Variants in AGFG1 observed in about 807,000 individuals in gnomAD.
AGFG1 encodes the protein ArfGAP with FG repeats 1.
Under a neutral mutation model 60.6 loss-of-function variants are expected in AGFG1, and 10 were observed. The observed-to-expected ratio is 0.16, with a 90% CI of 0.10 to 0.28. The LOEUF (loss-of-function observed/expected upper bound fraction) is 0.28. Among genes scored for constraint, AGFG1 ranks in the 10% least tolerant of loss-of-function variants. The pLI is 1.00. For missense variants in AGFG1, 537 were observed against 676.5 expected, an observed-to-expected ratio of 0.79 and a Z score of 2.29; for synonymous variants, 247 against 242.9, an observed-to-expected ratio of 1.02 and a Z score of -0.16.
chr2:227,558,281 C>G lies in AGFG1; in HGVS notation c.*3786C>G, dbSNP rs923809502. ...ACATTTATATATGAATGCATTCTTT[C>G]TTAATATTTTGAAATTCTGAACAAG... On this transcript the variant is annotated 3_prime_UTR_variant, in exon 13 of 13. Coordinates refer to ENST00000310078, the MANE Select transcript of AGFG1 (RefSeq NM_004504.5). 6.6e-6 allele frequency: 1 copy of G among 152,066 alleles called. No individual in the cohort carries two copies. The highest frequency in any genetic ancestry group is 1.5e-5 in the Non-Finnish European group (1 of 67,990). The allele number at this position is 152,066 out of a possible 1,614,324, so 9.4% of individuals were successfully genotyped here. A position where few individuals can be genotyped will look rare whatever the true frequency, so the allele number is the denominator to read the frequency against.
chr2:227,484,506 A>G (rs1356574454), intron 1 of AGFG1, among the ~76,000 whole-genome samples: 1 of 151,926 alleles, frequency 6.6e-6, no homozygotes, highest in African/African-American at 2.4e-5. Context: ...TGGTAAACAT[A>G]TTATTTGTCC....
At chr2:227,497,289 G>A (rs1011350805) in intron 2 of AGFG1, among the ~76,000 whole-genome samples, 3 of 151,686 alleles carry the variant, frequency 2.0e-5, no homozygotes, top group African/African-American at 7.3e-5. Context: ...AACTCTTAAC[G>A]TTTCAGCTTG....
rs142672960 is a variant in AGFG1 at position 227,494,001 on chromosome 2, A to G, written c.261+2361A>G. On this transcript the variant is annotated intron_variant, in intron 2 of 12. Transcript: ENST00000310078. ...CAAACAGTACAAAAAGAAAAAGGGAAACTTGCAATAGGTTGCTAGGAAATA... is the reference window on the plus strand; with the variant it reads ...CAAACAGTACAAAAAGAAAAAGGGAGACTTGCAATAGGTTGCTAGGAAATA... Among the ~76,000 whole-genome samples, 5 of 152,298 alleles carry G rather than the reference A, an allele frequency of 3.3e-5. No individual in the cohort carries two copies. The East Asian group carries it at 9.6e-4, about 29-fold the overall frequency.
At chr2:227,504,162 G>A (rs942419903) in intron 2 of AGFG1, among the ~76,000 whole-genome samples, 2 of 151,862 alleles carry the variant, frequency 1.3e-5, no homozygotes, top group South Asian at 4.2e-4. Context: ...GAGGGGAGGC[G>A]GAAGAGGCAG....
chr2:227,486,999 TAAG>T (rs1690659802), intron 1 of AGFG1, among the ~76,000 whole-genome samples: 1 of 152,186 alleles, frequency 6.6e-6, no homozygotes, highest in South Asian at 2.1e-4. Flanking sequence ...GTGTCAAAGT[TAAG>T]AAGCCTTGAT....
At chr2:227,502,714 G>A (rs750616654) in intron 2 of AGFG1, among the ~76,000 whole-genome samples, 2 of 152,038 alleles carry the variant, frequency 1.3e-5, no homozygotes, top group Non-Finnish European at 2.9e-5. Flanking sequence ...ATAGTGAATG[G>A]TTCCTCTTCT....
At chr2:227,534,522 G>A (rs893891365) in intron 7 of AGFG1, among the ~76,000 whole-genome samples, 8 of 152,236 alleles carry the variant, frequency 5.3e-5, no homozygotes, top group African/African-American at 9.6e-5. Context: ...GAATTTATAT[G>A]TTCATGTGAA....
intron 2 of AGFG1, among the ~76,000 whole-genome samples, chr2:227,509,380 G>A (rs1239128910): frequency 6.6e-6 from 1 of 152,108 alleles, no homozygotes. Flanking sequence ...CATTAAAAGA[G>A]ACAAGACAGT....
chr2:227,532,801 GATA>G (rs1446695623), intron 6 of AGFG1, among the ~76,000 whole-genome samples: 6 of 152,188 alleles, frequency 3.9e-5, no homozygotes, highest in South Asian at 2.1e-4. Context: ...TTAGTCTTTT[GATA>G]GTACTTTAAG....
intron 2 of AGFG1, among the ~76,000 whole-genome samples, chr2:227,507,913 C>T (rs1449362643): frequency 6.6e-6 from 1 of 151,054 alleles, no homozygotes. Context: ...ATTTTCCCCT[C>T]TTTGTTCAAT....
At position 227,533,901 on chromosome 2, in the gene AGFG1, G is replaced by A. The variant is rs1692231901; in HGVS notation, c.1024+143G>A. On this transcript the variant is annotated intron_variant, in intron 7 of 12. Transcript: ENST00000310078. ...TCTGCACTGTCATTTTGAGTAAAATGTTCACTTGACACATTTTAGACCTGA... is the reference window on the plus strand; with the variant it reads ...TCTGCACTGTCATTTTGAGTAAAATATTCACTTGACACATTTTAGACCTGA... 4.2e-6 allele frequency: 3 copies of A among 720,272 alleles called. No homozygotes were observed. The South Asian group carries it at 5.7e-5, about 14-fold the overall frequency. The allele number at this position is 720,272 out of a possible 1,614,324, so 44.6% of individuals were successfully genotyped here. A position where few individuals can be genotyped will look rare whatever the true frequency, so the allele number is the denominator to read the frequency against.
In AGFG1 at chr2:227,538,535, C is replaced by A. The variant is rs182633510; in HGVS notation, c.1378+1542C>A. On this transcript the variant is annotated intron_variant, in intron 10 of 12. Coordinates refer to ENST00000310078, the MANE Select transcript of AGFG1 (RefSeq NM_004504.5). ...AACTCAAATTATGTTTTGACTGAGC[C>A]TAATCATGTTGACCTGACTTCTCTG... Among the ~76,000 whole-genome samples, 4 of 152,288 alleles carry A rather than the reference C, an allele frequency of 2.6e-5. 1 individual carries two copies. In the East Asian group the frequency reaches 7.7e-4, roughly 29 times the overall value.
At chr2:227,545,969 C>G (rs1392334906) in intron 10 of AGFG1, among the ~76,000 whole-genome samples, 1 of 152,226 alleles carries the variant, frequency 6.6e-6, no homozygotes, top group African/African-American at 2.4e-5. Flanking sequence ...GCAGTCTGGC[C>G]ATTCTCAGAT....
intron 10 of AGFG1, among the ~76,000 whole-genome samples, chr2:227,548,769 C>G (rs894739292): frequency 2.0e-5 from 3 of 152,102 alleles, no homozygotes; most frequent in African/African-American, 2.4e-5. Flanking sequence ...AACCCCGTCT[C>G]TACTAAAAAT....
At chr2:227,504,631 G>A (rs1208205589) in intron 2 of AGFG1, among the ~76,000 whole-genome samples, 1 of 152,234 alleles carries the variant, frequency 6.6e-6, no homozygotes. Flanking sequence ...AAATGTTGAT[G>A]TATTTTATCA....
rs143785772 is a variant in AGFG1, at chr2:227,519,172, A to G, written c.262-776A>G. Among the ~76,000 whole-genome samples the G allele has an allele frequency of 6.4e-3, 971 of 152,302 alleles. 5 individuals are homozygous for G. Among genetic ancestry groups the G allele is most frequent in the African/African-American group, 0.022 (897 of 41,568 alleles). Reference sequence around the variant, plus strand: ...TAGAGACAGACCTTTTCTCAAACAAACAAAAACCAAAACAAGTGTTGGGTT... The same window carrying G: ...TAGAGACAGACCTTTTCTCAAACAAGCAAAAACCAAAACAAGTGTTGGGTT... On this transcript the variant is annotated intron_variant, in intron 2 of 12. Coordinates refer to ENST00000310078, the MANE Select transcript of AGFG1 (RefSeq NM_004504.5).
chr2:227,532,267 CA>C, intron 6 of AGFG1: 1 of 1,325,796 alleles, frequency 7.5e-7, no homozygotes. Context: ...TGCTATACTT[CA>C]AGGGTTTTTC....
At chr2:227,500,373 C>T (rs1390413654) in intron 2 of AGFG1, among the ~76,000 whole-genome samples, 1 of 152,130 alleles carries the variant, frequency 6.6e-6, no homozygotes, top group African/African-American at 2.4e-5. Flanking sequence ...CTGCTTTGTG[C>T]CATCTAATGG....
intron 3 of AGFG1, 36 bp from the exon 4 acceptor site, chr2:227,523,727 A>AT (rs757531630): frequency 2.0e-4 from 315 of 1,550,648 alleles, no homozygotes; most frequent in South Asian, 3.2e-4. Context: ...AATTACCTAC[A>AT]TTTTTTTTTA....
Sources: allele counts gnomAD v4.1 joint callset (sites outside exome capture counted in the v4.1 genomes callset), GRCh38; gene constraint gnomAD v4.1.1; transcripts MANE v1.5; gene names NCBI Gene and HGNC (gene_info 2026-07-23, HGNC 2026-07-21).